Variants in LBR observed in about 807,000 individuals in gnomAD.
LBR encodes the protein delta(14)-sterol reductase LBR.
Under a neutral mutation model 74.3 loss-of-function variants are expected in LBR, and 28 were observed. The observed-to-expected ratio is 0.38, with a 90% CI of 0.28 to 0.52. The LOEUF (loss-of-function observed/expected upper bound fraction) is 0.52, where lower values mean the gene tolerates loss of function less well. Among genes scored for constraint, LBR ranks in the 20% least tolerant of loss-of-function variants. The probability of loss-of-function intolerance (pLI) is 0.89; values close to 1 mark genes in which losing one functional copy is unlikely to be tolerated. For missense variants in LBR, 717 were observed against 760.3 expected, an observed-to-expected ratio of 0.94 and a Z score of 0.67; for synonymous variants, 228 against 269.3, an observed-to-expected ratio of 0.85 and a Z score of 1.50.
chr1:225,424,805 C>A (rs2096136000), intron 1 of LBR, among the ~76,000 whole-genome samples: 2 of 152,248 alleles, frequency 1.3e-5, no homozygotes, highest in African/African-American at 4.8e-5. Context: ...TAGGAATCCA[C>A]AAGCAATCTG....
chr1:225,411,595 C>T (rs934904763), intron 8 of LBR, among the ~76,000 whole-genome samples, 155 bp from the exon 9 acceptor site: 11 of 152,218 alleles, frequency 7.2e-5, no homozygotes, highest in Admixed American at 3.3e-4. Context: ...ACGGCACAGA[C>T]GAGCGGAACC....
intron 9 of LBR, 92 bp downstream of exon 9, chr1:225,411,245 C>G: frequency 1.1e-6 from 1 of 881,050 alleles, no homozygotes; most frequent in African/African-American, 1.6e-5. Flanking sequence ...AAATATACCA[C>G]CCACTGCTTA....
intron 10 of LBR, among the ~76,000 whole-genome samples, chr1:225,408,453 G>C (rs1049440020): frequency 6.6e-6 from 1 of 152,218 alleles, no homozygotes; most frequent in Non-Finnish European, 1.5e-5. Flanking sequence ...TGCCGGGTAG[G>C]GGGAGGACCT....
At chr1:225,423,293 C>T (rs1465718845) in intron 2 of LBR, among the ~76,000 whole-genome samples, 1 of 152,122 alleles carries the variant, frequency 6.6e-6, no homozygotes, top group Non-Finnish European at 1.5e-5. Flanking sequence ...AAAACCCAGG[C>T]CCTCACCAGA....
rs565288775 is a variant in LBR at position 225,419,274 on chromosome 1, C to A, written c.629G>T (p.Gly210Val). The change falls in exon 5 of 14, where the codon GGA (glycine) becomes GTA (valine). Residue 210 changes from glycine to valine, a missense_variant. By Grantham distance (109) the Gly-to-Val change is moderately radical (BLOSUM62 -3). Coordinates refer to ENST00000272163, the MANE Select transcript of LBR (RefSeq NM_002296.4). ...TPIRAKDLEF[G>V]GVPGVFLIMF... ...GCTCTGAGGCCTACCAGGTACTCCT[C>A]CAAACTCCAAGTCCTTTGCCCGGAT... is the stretch of plus-strand genomic sequence containing the variant. 1.9e-4 allele frequency: 308 copies of A among 1,614,208 alleles called. 2 individuals are homozygous for A. The South Asian group carries it at 3.1e-3, about 16-fold the overall frequency.
At chr1:225,405,789 G>A (rs142196913) in intron 11 of LBR, among the ~76,000 whole-genome samples, 31 of 152,274 alleles carry the variant, frequency 2.0e-4, no homozygotes, top group African/African-American at 7.0e-4. Context: ...ACACTGTCTT[G>A]AATAATAAAA....
chr1:225,404,556 G>A, intron 12 of LBR, 30 bp from the exon 13 acceptor site: 1 of 1,574,810 alleles, frequency 6.3e-7, no homozygotes, highest in Non-Finnish European at 8.7e-7. Flanking sequence ...CATTTTTAAT[G>A]ATGTCGAGAC....
chr1:225,417,686 G>T, intron 6 of LBR: 1 of 285,908 alleles, frequency 3.5e-6, no homozygotes, highest in Non-Finnish European at 6.7e-6. Context: ...TATTTGGTTT[G>T]AAAAGTTACA....
chr1:225,405,440 A>AG (rs1423723161), intron 11 of LBR, among the ~76,000 whole-genome samples: 4 of 152,224 alleles, frequency 2.6e-5, no homozygotes, highest in African/African-American at 9.6e-5. Flanking sequence ...AGAGATGATT[A>AG]GGTCATGAGG....
At chr1:225,406,574 TG>T in intron 11 of LBR, 89 bp downstream of exon 11, 1 of 1,157,802 alleles carries the variant, frequency 8.6e-7, no homozygotes, top group Middle Eastern at 2.8e-4. Flanking sequence ...CCATTCAAAA[TG>T]GCATGTTTCA....
At chr1:225,419,911 C>G (rs2096124519) in intron 3 of LBR, 113 bp from the exon 4 acceptor site, 1 of 784,578 alleles carries the variant, frequency 1.3e-6, no homozygotes. Flanking sequence ...TTTTTCACAG[C>G]CTTAATTCTG....
chr1:225,419,907 A>G (rs2096124516), intron 3 of LBR, 109 bp from the exon 4 acceptor site: 3 of 821,830 alleles, frequency 3.7e-6, no homozygotes, highest in African/African-American at 1.7e-5. Context: ...CAGATTTTTC[A>G]CAGCCTTAAT....
chr1:225,408,036 G>A (rs575178318), intron 10 of LBR, among the ~76,000 whole-genome samples: 6 of 152,256 alleles, frequency 3.9e-5, no homozygotes, highest in South Asian at 2.1e-4. Flanking sequence ...CTTTGTGTTA[G>A]GAATATTCAA....
In LBR at chr1:225,410,220, G is replaced by A. The variant is rs569364878; in HGVS notation, c.1314+71C>T. 520 of 1,606,492 alleles carry A rather than the reference G, an allele frequency of 3.2e-4. 9 individuals carry two copies. In the South Asian group the frequency reaches 5.1e-3, roughly 16 times the overall value. ...CCCCTCACTTTGTGTGCAAGAAGCCGAGGCTCTGACAGGTCACTCACCCAC... is the reference window on the plus strand; with the variant it reads ...CCCCTCACTTTGTGTGCAAGAAGCCAAGGCTCTGACAGGTCACTCACCCAC... On this transcript the variant is annotated intron_variant, in intron 10 of 13. Transcript: ENST00000272163.
rs116560666 is a variant in LBR at position 225,408,732 on chromosome 1, T to C, written c.1314+1559A>G. 5.0e-3 allele frequency among the ~76,000 whole-genome samples: 759 copies of C among 152,366 alleles called. 9 individuals are homozygous for C. Among genetic ancestry groups the C allele is most frequent in the African/African-American group, 0.017 (717 of 41,582 alleles). ...GATACTGAGAACAGACAGAAAACAA[T>C]TTCCTAACTCTAGTTCTCTACCCCT... is the stretch of plus-strand genomic sequence containing the variant. On this transcript the variant is annotated intron_variant, in intron 10 of 13. Transcript: ENST00000272163.
intron 1 of LBR, 78 bp from the exon 2 acceptor site, chr1:225,424,167 TA>T (rs2096134577): frequency 2.7e-6 from 3 of 1,100,140 alleles, no homozygotes; most frequent in South Asian, 1.2e-5. Flanking sequence ...GGCTGATCAC[TA>T]AAATACAACT....
In LBR at chr1:225,419,573, T is replaced by C. The variant is rs2096123835; in HGVS notation, c.451-121A>G. 3 of 991,150 alleles carry C rather than the reference T, an allele frequency of 3.0e-6. No homozygotes were observed. The African/African-American group carries it at 4.9e-5, about 16-fold the overall frequency. The allele number at this position is 991,150 out of a possible 1,614,324, so 61.4% of individuals were successfully genotyped here. A position where few individuals can be genotyped will look rare whatever the true frequency, so the allele number is the denominator to read the frequency against. ...TAGTAAGAATAAATTTGTGAAATTATATTCAGTCTTAATTTAAGGACAGAA... is the reference window on the plus strand; with the variant it reads ...TAGTAAGAATAAATTTGTGAAATTACATTCAGTCTTAATTTAAGGACAGAA... On this transcript the variant is annotated intron_variant, in intron 4 of 13. Coordinates refer to ENST00000272163, the MANE Select transcript of LBR (RefSeq NM_002296.4).
In LBR at chr1:225,419,269, C is replaced by A; in HGVS notation, c.634G>T (p.Val212Leu). ...GCCCAGCTCTGAGGCCTACCAGGTA[C>A]TCCTCCAAACTCCAAGTCCTTTGCC... ...IRAKDLEFGG[V>L]PGVFLIMFGL... The change falls in exon 5 of 14, where the codon GTA becomes TTA. Residue 212 changes from valine (V) to leucine (L), a missense_variant. Transcript: ENST00000272163. 6.2e-7 allele frequency: 1 copy of A among 1,614,174 alleles called. No individual in the cohort carries two copies.
At position 225,424,033 on chromosome 1, in the gene LBR, G is replaced by A. The variant is rs192681330; in HGVS notation, c.43C>T (p.Arg15Ter). The A allele has an allele frequency of 9.9e-6, 16 of 1,614,016 alleles. No individual in the cohort carries two copies. Among genetic ancestry groups the A allele is most frequent in the East Asian group, 6.7e-5 (3 of 44,886 alleles). ...KFADGEVVRG[R>*]WPGSSLYYEV... ...TAATAAAGTGAACTCCCAGGCCATC[G>A]ACCTCTTACCACTTCACCATCGGCA... The change falls in exon 2 of 14, where the codon CGA becomes TGA. Residue 15 changes from arginine to a stop codon, truncating the protein, a stop_gained. Transcript: ENST00000272163. LOFTEE classifies it high-confidence loss of function.
Sources: gnomAD v4.1 joint callset for allele counts (sites outside exome capture counted in the v4.1 genomes callset) on GRCh38, gnomAD v4.1.1 for gene constraint, MANE v1.5 for transcripts, NCBI Gene and HGNC (gene_info 2026-07-23, HGNC 2026-07-21) for gene names.